Variants in RAB38 observed in about 807,000 individuals in gnomAD.
The protein encoded by RAB38 is RAB38, member RAS oncogene family.
Under a neutral mutation model 18.4 loss-of-function variants are expected in RAB38, and 15 were observed. The observed-to-expected ratio is 0.82, with a 90% CI of 0.55 to 1.26. RAB38 has a LOEUF of 1.26. RAB38 is among the 50% of genes most tolerant of loss of function. The pLI is 0.00. For synonymous variants in RAB38, 101 were observed against 104.4 expected, an observed-to-expected ratio of 0.97 and a Z score of 0.20; for missense variants, 294 against 267.4, an observed-to-expected ratio of 1.10 and a Z score of -0.69.
At chr11:87,976,968 G>C in the RAB38 span, among the ~76,000 whole-genome samples, 2 of 27,492 alleles carry the variant, frequency 7.3e-5, 1 homozygote, top group African/African-American at 3.4e-4. Context: ...CATTATACAA[G>C]TATATTATAA....
At chr11:87,941,419 A>G in the RAB38 span, among the ~76,000 whole-genome samples, 1 of 151,236 alleles carries the variant, frequency 6.6e-6, no homozygotes, top group Non-Finnish European at 1.5e-5. Context: ...CCCATTCAGG[A>G]AATGTTGAGT....
At chr11:87,954,865 G>A in the RAB38 span, among the ~76,000 whole-genome samples, 1 of 152,128 alleles carries the variant, frequency 6.6e-6, no homozygotes, top group Non-Finnish European at 1.5e-5. Flanking sequence ...ATTATCCCGT[G>A]TTTATGAAAG....
At chr11:88,072,925 C>A in the RAB38 span, among the ~76,000 whole-genome samples, 136 of 152,188 alleles carry the variant, frequency 8.9e-4, no homozygotes, top group African/African-American at 3.3e-3. Context: ...GAACTTAAGT[C>A]TGAGGAAAAG....
chr11:88,087,213 C>T, the RAB38 span, among the ~76,000 whole-genome samples: 1 of 151,900 alleles, frequency 6.6e-6, no homozygotes. Context: ...GAGCAGAGAC[C>T]TCACCTGCTA....
the RAB38 span, among the ~76,000 whole-genome samples, chr11:88,024,821 T>A: frequency 6.6e-6 from 1 of 152,022 alleles, no homozygotes; most frequent in South Asian, 2.1e-4. Context: ...ACGATTGAAC[T>A]CATGGAGATA....
chr11:87,870,000 AATTAT>A, the RAB38 span, among the ~76,000 whole-genome samples: 1 of 151,626 alleles, frequency 6.6e-6, no homozygotes. Flanking sequence ...CAATAAAATA[AATTAT>A]ATTCATACTT....
the RAB38 span, among the ~76,000 whole-genome samples, chr11:88,046,984 C>T: frequency 5.9e-5 from 9 of 152,262 alleles, 1 homozygote; most frequent in South Asian, 1.9e-3. Context: ...GCCCTGTAGC[C>T]TTTTTATCCT....
the RAB38 span, among the ~76,000 whole-genome samples, chr11:87,912,373 T>G: frequency 6.6e-6 from 1 of 152,038 alleles, no homozygotes; most frequent in Non-Finnish European, 1.5e-5. Flanking sequence ...TAAATTCCTT[T>G]AATTGATATA....
At chr11:87,972,543 A>G in the RAB38 span, among the ~76,000 whole-genome samples, 468 of 152,052 alleles carry the variant, frequency 3.1e-3, 6 homozygotes, top group Non-Finnish European at 5.9e-4. Flanking sequence ...ACATTAACAG[A>G]TTTAAAGGAA....
At chr11:87,872,055 T>G in the RAB38 span, among the ~76,000 whole-genome samples, 2 of 151,696 alleles carry the variant, frequency 1.3e-5, no homozygotes, top group East Asian at 3.9e-4. Flanking sequence ...TGGTTAATAC[T>G]TTACCAAATT....
chr11:87,813,950 T>C, the RAB38 span, among the ~76,000 whole-genome samples: 39 of 152,244 alleles, frequency 2.6e-4, no homozygotes, highest in Admixed American at 9.8e-4. Flanking sequence ...TGCTTGGTAC[T>C]TGCTCCTTTT....
chr11:87,812,432 A>AC, the RAB38 span, among the ~76,000 whole-genome samples: 1 of 152,146 alleles, frequency 6.6e-6, no homozygotes, highest in African/African-American at 2.4e-5. Context: ...AAAAGTCAAC[A>AC]CATTCAGTTT....
chr11:87,846,031 A>T, the RAB38 span, among the ~76,000 whole-genome samples: 3 of 152,132 alleles, frequency 2.0e-5, no homozygotes, highest in African/African-American at 7.2e-5. Context: ...GATAAAAGAA[A>T]TTCTAAGTAG....
the RAB38 span, among the ~76,000 whole-genome samples, chr11:87,966,723 A>G: frequency 7.9e-5 from 12 of 152,180 alleles, no homozygotes; most frequent in Admixed American, 5.2e-4. Context: ...TTCCTCCTTT[A>G]TATAGACTCC....
intron 1 of RAB38, among the ~76,000 whole-genome samples, chr11:88,172,488 T>C (rs1233814098): frequency 6.6e-6 from 1 of 152,184 alleles, no homozygotes; most frequent in Non-Finnish European, 1.5e-5. Flanking sequence ...TAATAACAAA[T>C]GTATATGATA....
chr11:88,091,120 T>C, the RAB38 span, among the ~76,000 whole-genome samples: 2 of 151,938 alleles, frequency 1.3e-5, no homozygotes, highest in Non-Finnish European at 2.9e-5. Flanking sequence ...ACCCAAATGA[T>C]GTAAGAATTT....
the RAB38 span, chr11:88,098,145 TTTC>T: frequency 2.2e-4 from 34 of 151,994 alleles, no homozygotes; most frequent in African/African-American, 7.9e-4. Flanking sequence ...GGCTTCCTGG[TTTC>T]TTGTCAGAAA....
the RAB38 span, among the ~76,000 whole-genome samples, chr11:88,005,895 A>G: frequency 1.8e-4 from 27 of 151,718 alleles, no homozygotes; most frequent in African/African-American, 5.3e-4. Context: ...TCTTTGTTGT[A>G]TATCAGTTGT....
the RAB38 span, among the ~76,000 whole-genome samples, chr11:87,847,772 G>A: frequency 6.6e-6 from 1 of 152,004 alleles, no homozygotes; most frequent in African/African-American, 2.4e-5. Flanking sequence ...AATCAAGCGG[G>A]AGAAAGGAAG....
Sources: allele counts gnomAD v4.1 joint callset (sites outside exome capture counted in the v4.1 genomes callset), GRCh38; gene constraint gnomAD v4.1.1; transcripts MANE v1.5; gene names NCBI Gene and HGNC (gene_info 2026-07-23, HGNC 2026-07-21).